Variants in KCNT2 observed in about 807,000 individuals in gnomAD.
The protein encoded by KCNT2 is potassium channel subfamily T member 2.
A neutral mutation model predicts 153.8 loss-of-function variants in KCNT2; 67 were observed. That is an observed-to-expected ratio of 0.44 (90% CI 0.36 to 0.53). The LOEUF (loss-of-function observed/expected upper bound fraction) is 0.53. KCNT2 is among the 20% of genes least tolerant of loss of function. The pLI is 0.00. For synonymous variants in KCNT2, 500 were observed against 458.8 expected (o/e 1.09, Z -1.15); for missense variants, 975 against 1,354.8 (o/e 0.72, Z 4.40).
At chr1:196,276,848 C>T (rs1198366381) in intron 25 of KCNT2, among the ~76,000 whole-genome samples, 1 of 151,978 alleles carries the variant, frequency 6.6e-6, no homozygotes, top group Non-Finnish European at 1.5e-5. Context: ...CCCAATAGTA[C>T]CTTGTATGTG....
chr1:196,383,269 A>G (rs990509989), intron 13 of KCNT2, among the ~76,000 whole-genome samples: 1 of 152,226 alleles, frequency 6.6e-6, no homozygotes, highest in Admixed American at 6.5e-5. Context: ...AGCTCATGCC[A>G]TATGTGATTC....
Position 196,346,116 on chromosome 1 carries a change from A to T in KCNT2, c.1404-3888T>A, listed in dbSNP as rs552829476. Among the ~76,000 whole-genome samples, 5 of 152,270 alleles carry T rather than the reference A, an allele frequency of 3.3e-5. No individual in the cohort carries two copies. In the South Asian group the frequency reaches 1.0e-3, roughly 32 times the overall value. ...TTGAATGTCTGAAATATTTTCTAAT[A>T]AATAAAAAATAAAATGCATCACAAA... On this transcript the variant is annotated intron_variant, in intron 14 of 27. Transcript: ENST00000294725.
intron 17 of KCNT2, among the ~76,000 whole-genome samples, chr1:196,331,685 C>T (rs954820333): frequency 1.3e-5 from 2 of 151,840 alleles, no homozygotes; most frequent in Non-Finnish European, 2.9e-5. Flanking sequence ...ACTGGTTGTT[C>T]CTATTTATAA....
chr1:196,461,952 A>G (rs996556166), intron 8 of KCNT2, among the ~76,000 whole-genome samples: 3 of 151,804 alleles, frequency 2.0e-5, no homozygotes, highest in Non-Finnish European at 3.0e-5. Context: ...AGGTAATTTT[A>G]AGACTGTAAG....
intron 26 of KCNT2, among the ~76,000 whole-genome samples, chr1:196,238,355 T>C (rs1654633173): frequency 6.6e-6 from 1 of 151,954 alleles, no homozygotes; most frequent in Non-Finnish European, 1.5e-5. Flanking sequence ...CCTGTATTAT[T>C]TATCCTACTG....
At chr1:196,347,734 T>G (rs560018564) in intron 14 of KCNT2, among the ~76,000 whole-genome samples, 3 of 152,188 alleles carry the variant, frequency 2.0e-5, no homozygotes, top group Admixed American at 1.3e-4. Flanking sequence ...CTTTCTCTTA[T>G]GCACATCAGC....
chr1:196,281,120 C>T (rs965726241), intron 24 of KCNT2, 132 bp from the exon 25 acceptor site: 40 of 664,360 alleles, frequency 6.0e-5, no homozygotes, highest in Admixed American at 1.6e-4. Context: ...TACAGTGCAA[C>T]GGTGCAACCA....
intron 18 of KCNT2, among the ~76,000 whole-genome samples, chr1:196,327,297 A>G (rs1029582148): frequency 4.6e-5 from 7 of 152,018 alleles, no homozygotes; most frequent in African/African-American, 1.7e-4. Flanking sequence ...TAAAGCGATG[A>G]AGAAAATAAA....
At chr1:196,476,824 T>G (rs558480935) in intron 5 of KCNT2, among the ~76,000 whole-genome samples, 3 of 152,320 alleles carry the variant, frequency 2.0e-5, no homozygotes, top group East Asian at 3.9e-4. Flanking sequence ...TGCTTCATCC[T>G]ACTGCTTTGA....
chr1:196,448,691 A>G (rs1306136378), intron 8 of KCNT2, among the ~76,000 whole-genome samples: 1 of 151,698 alleles, frequency 6.6e-6, no homozygotes, highest in Non-Finnish European at 1.5e-5. Flanking sequence ...TTTATATAAT[A>G]TTCTTCTTTC....
chr1:196,499,387 T>A (rs185142355), intron 1 of KCNT2, among the ~76,000 whole-genome samples: 2 of 152,230 alleles, frequency 1.3e-5, no homozygotes, highest in Non-Finnish European at 2.9e-5. Flanking sequence ...GAATGTAAAC[T>A]CCATAAGGGC....
chr1:196,347,607 T>C (rs1666251883), intron 14 of KCNT2, among the ~76,000 whole-genome samples: 1 of 152,216 alleles, frequency 6.6e-6, no homozygotes, highest in Non-Finnish European at 1.5e-5. Flanking sequence ...CCATTGAAAA[T>C]GCTAAAGGGC....
intron 13 of KCNT2, among the ~76,000 whole-genome samples, chr1:196,375,279 C>G (rs912471089): frequency 6.6e-6 from 1 of 151,648 alleles, no homozygotes; most frequent in Non-Finnish European, 1.5e-5. Flanking sequence ...TGTCTTTTTT[C>G]TACATTTGGT....
chr1:196,256,717 T>C (rs912089882), intron 26 of KCNT2, among the ~76,000 whole-genome samples: 29 of 150,336 alleles, frequency 1.9e-4, no homozygotes, highest in African/African-American at 6.8e-4. Flanking sequence ...GAAATATATA[T>C]ATATATATAT....
At chr1:196,356,834 T>C (rs1667212557) in intron 14 of KCNT2, among the ~76,000 whole-genome samples, 1 of 151,752 alleles carries the variant, frequency 6.6e-6, no homozygotes, top group Admixed American at 6.6e-5. Flanking sequence ...AATTGGTTGT[T>C]GGATGTCTAC....
chr1:196,310,903 T>C (rs1249445067), intron 21 of KCNT2, among the ~76,000 whole-genome samples: 1 of 151,844 alleles, frequency 6.6e-6, no homozygotes, highest in Non-Finnish European at 1.5e-5. Flanking sequence ...ATATGGCTTC[T>C]AAATTCCATT....
At chr1:196,480,651 C>G (rs56729681) in intron 4 of KCNT2, among the ~76,000 whole-genome samples, 2,602 of 151,786 alleles carry the variant, frequency 0.017, 80 homozygotes, top group African/African-American at 0.059. Flanking sequence ...GTCAGGAGAT[C>G]GAGACCATCC....
chr1:196,508,189 CAAAA>C (rs10539910), intron 1 of KCNT2, among the ~76,000 whole-genome samples: 2 of 59,984 alleles, frequency 3.3e-5, no homozygotes, highest in African/African-American at 1.4e-4. Flanking sequence ...CCCTAAGTAG[CAAAA>C]AAAAAAAAAA....
At chr1:196,388,199 G>T (rs2148400672) in intron 13 of KCNT2, among the ~76,000 whole-genome samples, 1 of 151,726 alleles carries the variant, frequency 6.6e-6, no homozygotes, top group Middle Eastern at 3.4e-3. Context: ...AATTAACTTG[G>T]CATCGTTGAT....
Sources: allele counts gnomAD v4.1 joint callset (sites outside exome capture counted in the v4.1 genomes callset), GRCh38; gene constraint gnomAD v4.1.1; transcripts MANE v1.5; gene names NCBI Gene and HGNC (gene_info 2026-07-23, HGNC 2026-07-21).